Variants in CEMIP observed in about 807,000 individuals in gnomAD.
CEMIP encodes the protein cell migration-inducing and hyaluronan-binding protein.
CEMIP carries 105 observed loss-of-function variants against 156.9 expected under a neutral mutation model. The observed-to-expected ratio is 0.67, with a 90% CI of 0.57 to 0.79. The LOEUF is 0.79. Ranked by LOEUF, CEMIP falls within the 30% of genes least tolerant of loss-of-function variation. The pLI is 0.00. For missense variants in CEMIP, 1,457 were observed against 1,769.4 expected (o/e 0.82, Z 3.17); for synonymous variants, 676 against 668.4 (o/e 1.01, Z -0.17).
intron 1 of CEMIP, among the ~76,000 whole-genome samples, chr15:80,855,872 C>A (rs979468064): frequency 6.6e-6 from 1 of 152,216 alleles, no homozygotes; most frequent in Non-Finnish European, 1.5e-5. Flanking sequence ...TTCCCTGAAG[C>A]AGTCATAGTA....
At chr15:80,948,454 C>T in intron 29 of CEMIP, 1 of 373,218 alleles carries the variant, frequency 2.7e-6, no homozygotes, top group South Asian at 2.3e-5. Flanking sequence ...CAGGGACTTG[C>T]TGGTTGTCCT....
At chr15:80,839,318 G>A (rs1245643941) in intron 1 of CEMIP, among the ~76,000 whole-genome samples, 5 of 151,620 alleles carry the variant, frequency 3.3e-5, no homozygotes. Flanking sequence ...GTGTGTGTGT[G>A]TGTGTGTGTG....
In CEMIP at chr15:80,911,287, G is replaced by C. The variant is rs139362254; in HGVS notation, c.1797+1981G>C. 1.7e-3 allele frequency among the ~76,000 whole-genome samples: 266 copies of C among 152,330 alleles called. 2 individuals are homozygous for C. The highest frequency in any genetic ancestry group is 0.01 in the Middle Eastern group (3 of 294). Reference sequence around the variant, plus strand: ...TTTCTCACACAGGGTGGTGATGGAGGTCAGGATACATGGTGAAGAGAACAA... The same window carrying C: ...TTTCTCACACAGGGTGGTGATGGAGCTCAGGATACATGGTGAAGAGAACAA... On this transcript the variant is annotated intron_variant, in intron 14 of 29. Transcript: ENST00000394685.
chr15:80,845,836 C>G (rs1435370855), intron 1 of CEMIP, among the ~76,000 whole-genome samples: 1 of 152,154 alleles, frequency 6.6e-6, no homozygotes, highest in Non-Finnish European at 1.5e-5. Flanking sequence ...GGCTTAGACC[C>G]TGGAGTGTCA....
chr15:80,872,136 C>T (rs943272697), intron 1 of CEMIP, among the ~76,000 whole-genome samples: 3 of 152,300 alleles, frequency 2.0e-5, no homozygotes, highest in East Asian at 1.9e-4. Context: ...CACTTTGAAC[C>T]GAAAGGTCAG....
At chr15:80,861,296 C>A (rs1032718448) in intron 1 of CEMIP, among the ~76,000 whole-genome samples, 3 of 152,122 alleles carry the variant, frequency 2.0e-5, no homozygotes, top group Admixed American at 6.5e-5. Flanking sequence ...AAGTACACAT[C>A]GACTCACTCC....
At chr15:80,847,492 G>T (rs1012292526) in intron 1 of CEMIP, among the ~76,000 whole-genome samples, 1 of 152,184 alleles carries the variant, frequency 6.6e-6, no homozygotes, top group Non-Finnish European at 1.5e-5. Context: ...CTCTAGCAGC[G>T]ACTCAGGACC....
intron 1 of CEMIP, among the ~76,000 whole-genome samples, chr15:80,781,229 T>C (rs1895784659): frequency 6.6e-6 from 1 of 152,206 alleles, no homozygotes; most frequent in Non-Finnish European, 1.5e-5. Flanking sequence ...ACATATGGGA[T>C]TGGGAGGATA....
At chr15:80,831,112 G>A (rs1191767739) in intron 1 of CEMIP, among the ~76,000 whole-genome samples, 1 of 152,148 alleles carries the variant, frequency 6.6e-6, no homozygotes, top group Non-Finnish European at 1.5e-5. Flanking sequence ...TTCCAACCTG[G>A]AAATTTGGGA....
intron 1 of CEMIP, among the ~76,000 whole-genome samples, chr15:80,814,042 G>GTTTTTTTTTTTT (rs1896731177): frequency 9.0e-6 from 1 of 111,670 alleles, no homozygotes. Context: ...AAACTCTTTG[G>GTTTTTTTTTTTT]CTTTTTTTTT....
chr15:80,881,192 G>A, intron 6 of CEMIP, 56 bp downstream of exon 6: 1 of 1,495,472 alleles, frequency 6.7e-7, no homozygotes, highest in Non-Finnish European at 9.3e-7. Flanking sequence ...CACTTATTGA[G>A]TGTGCTCCCT....
At position 80,884,095 on chromosome 15, in the gene CEMIP, G is replaced by A. The variant is rs192851718; in HGVS notation, c.618-80G>A. ...ATCATCGGATAGCATGTTAGCTGTC[G>A]CAGCACAGGCATGTGCTTAGAGCTC... On this transcript the variant is annotated intron_variant, in intron 6 of 29. Coordinates refer to ENST00000394685, the MANE Select transcript of CEMIP (RefSeq NM_001293298.2). 62 of 1,340,526 alleles carry A rather than the reference G, an allele frequency of 4.6e-5. No homozygotes were observed. The African/African-American group carries it at 6.2e-4, about 13-fold the overall frequency. 83.0% of individuals were successfully genotyped at this position (1,340,526 alleles called of 1,614,324 possible). A position where few individuals can be genotyped will look rare whatever the true frequency, so the allele number is the denominator to read the frequency against.
chr15:80,797,760 C>A (rs1206620818), intron 1 of CEMIP, among the ~76,000 whole-genome samples: 1 of 152,220 alleles, frequency 6.6e-6, no homozygotes, highest in African/African-American at 2.4e-5. Flanking sequence ...CACACACCCA[C>A]GGTGGACCTG....
At chr15:80,797,107 C>T (rs572335641) in intron 1 of CEMIP, among the ~76,000 whole-genome samples, 1 of 152,194 alleles carries the variant, frequency 6.6e-6, no homozygotes, top group South Asian at 2.1e-4. Flanking sequence ...TGGAAAGGTT[C>T]GTGTGACACT....
In CEMIP at chr15:80,808,714, C is replaced by T. The variant is rs531339593; in HGVS notation, c.-176+29100C>T. On this transcript the variant is annotated intron_variant, in intron 1 of 29. Coordinates refer to ENST00000394685, the MANE Select transcript of CEMIP (RefSeq NM_001293298.2). Reference sequence around the variant, plus strand: ...TTGGGTAGCATCTGCTTTGAACACTCCACAATAAAAAAAAAATCAATTCTA... The same window carrying T: ...TTGGGTAGCATCTGCTTTGAACACTTCACAATAAAAAAAAAATCAATTCTA... 8.6e-5 allele frequency among the ~76,000 whole-genome samples: 13 copies of T among 151,294 alleles called. No homozygotes were observed. In the East Asian group the frequency reaches 2.3e-3, roughly 27 times the overall value.
At chr15:80,903,496 C>T (rs1377910458) in intron 12 of CEMIP, among the ~76,000 whole-genome samples, 1 of 152,144 alleles carries the variant, frequency 6.6e-6, no homozygotes, top group East Asian at 1.9e-4. Context: ...AAGGCATGTT[C>T]AAGGAAGGAT....
chr15:80,901,651 G>A (rs1414366536), intron 12 of CEMIP, among the ~76,000 whole-genome samples: 6 of 151,084 alleles, frequency 4.0e-5, no homozygotes, highest in East Asian at 3.9e-4. Flanking sequence ...GCAGTGAGCC[G>A]AGATCGCACC....
At chr15:80,944,237 G>A (rs1274923733) in intron 28 of CEMIP, among the ~76,000 whole-genome samples, 2 of 152,130 alleles carry the variant, frequency 1.3e-5, no homozygotes, top group Non-Finnish European at 2.9e-5. Context: ...CCGAGATTGC[G>A]CAGCTGCACT....
At chr15:80,937,018 A>C (rs928716153) in intron 24 of CEMIP, 133 bp downstream of exon 24, 2 of 853,636 alleles carry the variant, frequency 2.3e-6, no homozygotes, top group East Asian at 2.6e-5. Context: ...AGAGGGGTTG[A>C]CATCACCCAG....
Sources: gnomAD v4.1 joint callset for allele counts (sites outside exome capture counted in the v4.1 genomes callset) on GRCh38, gnomAD v4.1.1 for gene constraint, MANE v1.5 for transcripts, NCBI Gene and HGNC (gene_info 2026-07-23, HGNC 2026-07-21) for gene names.